The following CTCFL variants were observed in gnomAD, a reference collection of about 807,000 sequenced individuals.
CTCFL encodes the protein transcriptional repressor CTCFL.
In CTCFL, 36 loss-of-function variants were observed where a neutral mutation model predicts 67.4. The ratio of observed to expected loss-of-function variants is 0.53; its 90% confidence interval spans 0.41 to 0.71. The LOEUF (loss-of-function observed/expected upper bound fraction) is 0.71, where lower values mean the gene tolerates loss of function less well. Among genes scored for constraint, CTCFL ranks in the 30% least tolerant of loss-of-function variants. The pLI is 0.00. For synonymous variants in CTCFL, 324 were observed against 302.3 expected (o/e 1.07, Z -0.75); for missense variants, 786 against 835.2 (o/e 0.94, Z 0.73).
chr20:57,519,454 C>G (rs779094696), intron 3 of CTCFL, 77 bp from the exon 4 acceptor site: 8 of 1,329,712 alleles, frequency 6.0e-6, no homozygotes, highest in Non-Finnish European at 7.4e-6. Flanking sequence ...ATCAGCACAT[C>G]GTCCTTTCAA....
intron 3 of CTCFL, among the ~76,000 whole-genome samples, chr20:57,522,145 C>T (rs888497086): frequency 6.6e-6 from 1 of 152,154 alleles, no homozygotes. Context: ...CTATGGAAGG[C>T]AGAGGCAAGA....
At chr20:57,516,089 G>A (rs8117942) in intron 5 of CTCFL, among the ~76,000 whole-genome samples, 3,488 of 152,156 alleles carry the variant, frequency 0.023, 141 homozygotes, top group African/African-American at 0.079. Flanking sequence ...AGACTTTCGC[G>A]TTCACCTTCA....
At chr20:57,504,980 T>C (rs1204981135) in intron 9 of CTCFL, among the ~76,000 whole-genome samples, 2 of 151,892 alleles carry the variant, frequency 1.3e-5, no homozygotes, top group Admixed American at 1.3e-4. Context: ...TGCTGCAAAC[T>C]GTGGTGTGGA....
At chr20:57,512,779 C>A in intron 7 of CTCFL, 27 bp from the exon 8 acceptor site, 1 of 1,605,788 alleles carries the variant, frequency 6.2e-7, no homozygotes, top group Non-Finnish European at 8.5e-7. Context: ...ACATTATATA[C>A]TTCAAGAGTG....
intron 7 of CTCFL, chr20:57,513,106 T>A (rs762910975): frequency 6.5e-5 from 18 of 277,152 alleles, no homozygotes; most frequent in Non-Finnish European, 8.6e-5. Context: ...TTAAATGTTA[T>A]ATAAGGTATG....
chr20:57,506,234 T>G (rs1345859019), intron 9 of CTCFL, among the ~76,000 whole-genome samples: 5 of 152,222 alleles, frequency 3.3e-5, no homozygotes, highest in Non-Finnish European at 7.3e-5. Flanking sequence ...CCCTGGTGAT[T>G]AATGACGCTA....
At chr20:57,504,441 A>T (rs1404157238) in intron 9 of CTCFL, among the ~76,000 whole-genome samples, 1 of 151,402 alleles carries the variant, frequency 6.6e-6, no homozygotes, top group African/African-American at 2.4e-5. Flanking sequence ...CACCACACCC[A>T]GCTAATTTTT....
intron 8 of CTCFL, among the ~76,000 whole-genome samples, chr20:57,510,532 G>C (rs2068481512): frequency 6.6e-6 from 1 of 152,210 alleles, no homozygotes; most frequent in African/African-American, 2.4e-5. Context: ...GTCACTAAGT[G>C]TGCTGTATTT....
intron 10 of CTCFL, chr20:57,500,258 A>G: frequency 2.0e-6 from 2 of 976,794 alleles, no homozygotes; most frequent in Non-Finnish European, 2.7e-6. Flanking sequence ...TGAGGTCAGG[A>G]GTGAGAGACA....
chr20:57,514,021 G>T, intron 7 of CTCFL: 1 of 623,968 alleles, frequency 1.6e-6, no homozygotes, highest in Non-Finnish European at 2.4e-6. Flanking sequence ...CCCACTCTGT[G>T]GGGTGTGACA....
rs1244776381 is a variant in CTCFL, at chr20:57,523,622, T to C, written c.543+41A>G. On this transcript the variant is annotated intron_variant, in intron 2 of 10. Transcript: ENST00000243914. ...TGCATAAAAGCCGACTTGAATTTTTTCTTTTTCATGTAAGGGGTTGTTTAT... is the reference window on the plus strand; with the variant it reads ...TGCATAAAAGCCGACTTGAATTTTTCCTTTTTCATGTAAGGGGTTGTTTAT... 4 of 1,569,008 alleles carry C rather than the reference T, an allele frequency of 2.5e-6. No homozygotes were observed. In the Admixed American group the frequency reaches 7.6e-5, roughly 30 times the overall value.
Position 57,524,174 on chromosome 20 carries a change from T to C in CTCFL, c.32A>G (p.Glu11Gly). The change falls in exon 2 of 11, where the codon GAG becomes GGG. Residue 11 changes from glutamate (E) to glycine (G), a missense_variant. Transcript: ENST00000243914. ...GAGTTCTTTGATCTTGGTGAATTGC[T>C]CAGAAAGGACAGAGATCTCAGTGGC... MAATEISVLS[E>G]QFTKIKELEL... 1 of 1,613,032 alleles carries C rather than the reference T, an allele frequency of 6.2e-7. No homozygotes were observed. Among genetic ancestry groups the C allele is most frequent in the Admixed American group, 1.7e-5 (1 of 60,002 alleles).
Position 57,512,738 on chromosome 20 carries a change from T to G in CTCFL, c.1345A>C (p.Asn449His), listed in dbSNP as rs370636703. Residue 449 changes from asparagine to histidine, a missense_variant, in exon 8 of 11, where the codon AAC becomes CAC. Physicochemically the swap from Asn to His is moderately conservative, Grantham distance 68. This residue lies in a region of CTCFL where 254 missense variants were observed against 333.9 expected (regional missense o/e 0.76). Coordinates refer to ENST00000243914, the MANE Select transcript of CTCFL (RefSeq NM_001386993.1). ...TCTGCAGCGCTGTAAGCATGCAAGTTGCGCATATGCACACCTAAAATGGTC... is the reference window on the plus strand; with the variant it reads ...TCTGCAGCGCTGTAAGCATGCAAGTGGCGCATATGCACACCTAAAATGGTC... ...RKSDLRVHMR[N>H]LHAYSAAELK... 5.0e-6 allele frequency: 8 copies of G among 1,614,078 alleles called. No individual in the cohort carries two copies. Among genetic ancestry groups the G allele is most frequent in the Non-Finnish European group, 6.8e-6 (8 of 1,180,024 alleles).
intron 8 of CTCFL, among the ~76,000 whole-genome samples, chr20:57,510,501 G>T (rs1488707924): frequency 6.6e-6 from 1 of 152,172 alleles, no homozygotes; most frequent in Non-Finnish European, 1.5e-5. Flanking sequence ...AAAACTATTT[G>T]TTGTTGTCTG....
chr20:57,500,746 CA>C (rs1419324224), intron 10 of CTCFL, among the ~76,000 whole-genome samples: 9 of 152,054 alleles, frequency 5.9e-5, no homozygotes, highest in Admixed American at 2.6e-4. Flanking sequence ...TTCTCCATAG[CA>C]AAAATGTCAC....
At chr20:57,513,122 C>G in intron 7 of CTCFL, 1 of 349,708 alleles carries the variant, frequency 2.9e-6, no homozygotes, top group Non-Finnish European at 4.1e-6. Context: ...GTATGTCACA[C>G]TGGACCTAAA....
chr20:57,519,462 CAACT>C, intron 3 of CTCFL, 85 bp from the exon 4 acceptor site: 1 of 1,227,748 alleles, frequency 8.1e-7, no homozygotes, highest in East Asian at 2.3e-5. Context: ...ATCGTCCTTT[CAACT>C]AACGTGGGAA....
chr20:57,509,447 G>C (rs1255148093), intron 8 of CTCFL, among the ~76,000 whole-genome samples: 2 of 151,944 alleles, frequency 1.3e-5, no homozygotes, highest in Admixed American at 6.6e-5. Context: ...ATTTTTTGTA[G>C]AGACAGGGTC....
At position 57,519,203 on chromosome 20, in the gene CTCFL, T is replaced by G; in HGVS notation, c.925+4A>C. 1 of 1,613,784 alleles carries G rather than the reference T, an allele frequency of 6.2e-7. No homozygotes were observed. The highest frequency in any genetic ancestry group is 8.5e-7 in the Non-Finnish European group (1 of 1,179,748). ...CAGAGAAACAGCCTTCCCGGCAGTT[T>G]TACCTGTGTGGGTGTTAACATGGTT... On this transcript the variant is annotated splice_donor_region_variant and intron_variant, in intron 4 of 10. Transcript: ENST00000243914.
Sources: gnomAD v4.1 joint callset for allele counts (sites outside exome capture counted in the v4.1 genomes callset) on GRCh38, gnomAD v4.1.1 for gene constraint, gnomAD v4.1.1 regional missense constraint, MANE v1.5 for transcripts, NCBI Gene and HGNC (gene_info 2026-07-23, HGNC 2026-07-21) for gene names.